The following JAK1 variants were observed in gnomAD, a reference collection of about 807,000 sequenced individuals.
JAK1 encodes Janus kinase 1.
Under a neutral mutation model 136.6 loss-of-function variants are expected in JAK1, and 16 were observed. The observed-to-expected ratio is 0.12, with a 90% CI of 0.08 to 0.18. The LOEUF is 0.18. JAK1 is among the 10% of genes least tolerant of loss of function. The pLI, the probability that JAK1 is intolerant of heterozygous loss-of-function variation, is 1.00. For synonymous variants in JAK1, 492 were observed against 519.5 expected (o/e 0.95, Z 0.72); for missense variants, 859 against 1,450.1 (o/e 0.59, Z 6.62).
intron 1 of JAK1, among the ~76,000 whole-genome samples, chr1:64,890,156 A>T (rs188971931): frequency 6.6e-6 from 1 of 152,182 alleles, no homozygotes. Flanking sequence ...AAGACTAAAA[A>T]TCTTAAGCCT....
chr1:65,051,509 T>C (rs1647283196), intron 1 of JAK1, among the ~76,000 whole-genome samples: 1 of 152,240 alleles, frequency 6.6e-6, no homozygotes, highest in East Asian at 1.9e-4. Context: ...AGAAAGGTGG[T>C]TACAGCACTC....
chr1:64,928,547 G>A (rs146209589), intron 1 of JAK1, among the ~76,000 whole-genome samples: 1 of 151,944 alleles, frequency 6.6e-6, no homozygotes, highest in African/African-American at 2.4e-5. Context: ...CCCCCTCCAG[G>A]AGTCCTAACT....
chr1:64,945,024 C>T (rs1014742434), intron 1 of JAK1, among the ~76,000 whole-genome samples: 3 of 151,722 alleles, frequency 2.0e-5, no homozygotes, highest in African/African-American at 7.3e-5. Flanking sequence ...GGTCCTGAGA[C>T]GGGAACAGGA....
At chr1:64,854,128 C>T (rs533177185) in intron 11 of JAK1, among the ~76,000 whole-genome samples, 1 of 152,164 alleles carries the variant, frequency 6.6e-6, no homozygotes, top group African/African-American at 2.4e-5. Flanking sequence ...AACACAAGTC[C>T]CTCCTCTTTC....
intron 12 of JAK1, 92 bp downstream of exon 12, chr1:64,850,712 C>T: frequency 2.4e-6 from 2 of 834,600 alleles, no homozygotes; most frequent in Non-Finnish European, 4.0e-6. Flanking sequence ...AAGATTTCCC[C>T]AAACACAGCC....
chr1:64,988,930 G>GTA (rs968608195), intron 2 of JAK1, among the ~76,000 whole-genome samples: 21 of 144,558 alleles, frequency 1.5e-4, no homozygotes, highest in Admixed American at 2.8e-4. Context: ...GTATGTATGT[G>GTA]TATATATATA....
chr1:64,976,759 T>C (rs1646500480), intron 2 of JAK1, among the ~76,000 whole-genome samples: 1 of 152,176 alleles, frequency 6.6e-6, no homozygotes, highest in Non-Finnish European at 1.5e-5. Flanking sequence ...ACATGCCCCT[T>C]CCCTCAGCCT....
At chr1:64,849,095 G>T (rs1011537128) in intron 12 of JAK1, among the ~76,000 whole-genome samples, 1 of 152,132 alleles carries the variant, frequency 6.6e-6, no homozygotes, top group Non-Finnish European at 1.5e-5. Context: ...GATTCTGCAG[G>T]GACCCACAAA....
chr1:64,916,382 G>A (rs74083109), intron 1 of JAK1, among the ~76,000 whole-genome samples: 195 of 152,210 alleles, frequency 1.3e-3, no homozygotes, highest in African/African-American at 4.6e-3. Context: ...AGGGCCCTAC[G>A]GAACTTCTAG....
At chr1:64,985,693 T>C (rs1346993951) in intron 2 of JAK1, 4 of 711,796 alleles carry the variant, frequency 5.6e-6, no homozygotes, top group Non-Finnish European at 7.7e-6. Flanking sequence ...ACAAAACCTG[T>C]GCAGAGTCTG....
At chr1:65,021,815 G>A (rs1646939980) in intron 2 of JAK1, among the ~76,000 whole-genome samples, 1 of 151,960 alleles carries the variant, frequency 6.6e-6, no homozygotes, top group South Asian at 2.1e-4. Context: ...CATTTTTTTA[G>A]AAGAGGACAC....
intron 7 of JAK1, among the ~76,000 whole-genome samples, chr1:64,866,446 T>C (rs1160686394): frequency 6.6e-6 from 1 of 152,262 alleles, no homozygotes. Context: ...AAATGCTTAT[T>C]AGTTATGACC....
At chr1:64,937,184 C>T (rs1645804769) in intron 1 of JAK1, among the ~76,000 whole-genome samples, 1 of 152,156 alleles carries the variant, frequency 6.6e-6, no homozygotes, top group South Asian at 2.1e-4. Flanking sequence ...CCACCTGTTA[C>T]TTTGACAACT....
intron 1 of JAK1, among the ~76,000 whole-genome samples, chr1:64,893,306 T>C (rs1357428639): frequency 6.6e-6 from 1 of 152,100 alleles, no homozygotes; most frequent in African/African-American, 2.4e-5. Flanking sequence ...TTCCCACCAG[T>C]CAGAAAGAGG....
intron 1 of JAK1, among the ~76,000 whole-genome samples, chr1:65,049,356 A>C (rs1043769882): frequency 1.3e-5 from 2 of 152,176 alleles, no homozygotes; most frequent in African/African-American, 4.8e-5. Context: ...CAGAAGTTTG[A>C]GGCTGCAGTG....
At chr1:64,924,092 C>CA (rs1176235050) in intron 1 of JAK1, among the ~76,000 whole-genome samples, 1 of 152,134 alleles carries the variant, frequency 6.6e-6, no homozygotes, top group African/African-American at 2.4e-5. Context: ...TAAATGCAGT[C>CA]AGATACTTGC....
intron 1 of JAK1, among the ~76,000 whole-genome samples, chr1:64,891,880 C>A (rs1295477787): frequency 6.6e-6 from 1 of 152,244 alleles, no homozygotes; most frequent in Admixed American, 6.5e-5. Context: ...AGGAATACCC[C>A]AGAACCGTAA....
chr1:64,930,269 T>C (rs1036144355), intron 1 of JAK1, among the ~76,000 whole-genome samples: 2 of 152,036 alleles, frequency 1.3e-5, no homozygotes, highest in Non-Finnish European at 2.9e-5. Flanking sequence ...AAAGGGCTAA[T>C]ATCCAGAATC....
Position 64,834,404 on chromosome 1 carries a change from G to T in JAK1, c.*158C>A. On this transcript the variant is annotated 3_prime_UTR_variant, in exon 25 of 25. Transcript: ENST00000342505. ...GTCCTTACACATATTAAGCACTACA[G>T]TGTGCCTTATACATGTATATGTACT... 3.5e-6 allele frequency: 2 copies of T among 571,562 alleles called. No homozygotes were observed. Among genetic ancestry groups the T allele is most frequent in the East Asian group, 5.7e-5 (2 of 35,252 alleles). The allele number at this position is 571,562 out of a possible 1,614,324, so 35.4% of individuals were successfully genotyped here.
Sources: allele counts gnomAD v4.1 joint callset (sites outside exome capture counted in the v4.1 genomes callset), GRCh38; gene constraint gnomAD v4.1.1; transcripts MANE v1.5; gene names NCBI Gene and HGNC (gene_info 2026-07-23, HGNC 2026-07-21).